ATP10B: variants seen among roughly 807,000 people sequenced by gnomAD.
ATP10B encodes phospholipid-transporting ATPase VB.
A neutral mutation model predicts 141.2 loss-of-function variants in ATP10B; 122 were observed. That is an observed-to-expected ratio of 0.86 (90% CI 0.75 to 1.00). ATP10B has a LOEUF of 1.00. Ranked by LOEUF, ATP10B falls within the 50% of genes least tolerant of loss-of-function variation. The pLI is 0.00. For missense variants in ATP10B, 1,876 were observed against 1,825.3 expected, an observed-to-expected ratio of 1.03 and a Z score of -0.51; for synonymous variants, 685 against 692.0, an observed-to-expected ratio of 0.99 and a Z score of 0.16.
At chr5:160,803,223 A>G (rs368243984) in intron 1 of ATP10B, among the ~76,000 whole-genome samples, 143 of 152,288 alleles carry the variant, frequency 9.4e-4, no homozygotes, top group Middle Eastern at 3.4e-3. Flanking sequence ...GTTGTGCTAT[A>G]TGGATTAAGA....
chr5:160,828,721 G>T (rs1485602806), intron 1 of ATP10B, among the ~76,000 whole-genome samples: 1 of 151,850 alleles, frequency 6.6e-6, no homozygotes, highest in African/African-American at 2.4e-5. Context: ...GTACCCAAAG[G>T]ACTATAAATC....
intron 3 of ATP10B, among the ~76,000 whole-genome samples, chr5:160,694,807 TG>T (rs1561763063): frequency 6.6e-6 from 1 of 152,208 alleles, no homozygotes; most frequent in Non-Finnish European, 1.5e-5. Context: ...TTACATTAGG[TG>T]TCTGGGAGAT....
intron 1 of ATP10B, among the ~76,000 whole-genome samples, chr5:160,818,306 CA>C (rs1399966886): frequency 9.9e-5 from 15 of 151,866 alleles, no homozygotes; most frequent in Admixed American, 3.3e-4. Flanking sequence ...TTTACAAGAA[CA>C]AAACAAACAA....
chr5:160,893,787 A>G, the ATP10B span, among the ~76,000 whole-genome samples: 3 of 152,192 alleles, frequency 2.0e-5, no homozygotes, highest in Admixed American at 1.3e-4. Flanking sequence ...CACCTCATGC[A>G]GGAGAGCTCT....
chr5:160,593,782 G>T (rs142557223), intron 22 of ATP10B, among the ~76,000 whole-genome samples: 3,443 of 152,198 alleles, frequency 0.023, 119 homozygotes, highest in African/African-American at 0.076. Context: ...CTCAGGAGCC[G>T]ATGTGATCAA....
chr5:160,804,025 A>T (rs1351042625), intron 1 of ATP10B, among the ~76,000 whole-genome samples: 1 of 152,016 alleles, frequency 6.6e-6, no homozygotes, highest in Non-Finnish European at 1.5e-5. Flanking sequence ...CTGTGCCCTG[A>T]TGTCCTCCTG....
chr5:160,724,694 A>T (rs1015004044), intron 2 of ATP10B, among the ~76,000 whole-genome samples: 1 of 152,122 alleles, frequency 6.6e-6, no homozygotes, highest in Non-Finnish European at 1.5e-5. Context: ...TAGGGCACAC[A>T]GGTCATGTGC....
chr5:160,803,942 G>A (rs1299157949), intron 1 of ATP10B, among the ~76,000 whole-genome samples: 1 of 150,868 alleles, frequency 6.6e-6, no homozygotes, highest in Non-Finnish European at 1.5e-5. Context: ...TTTTTTCAAC[G>A]TTGCCCCTGT....
intron 1 of ATP10B, among the ~76,000 whole-genome samples, chr5:160,816,102 A>G (rs2127954344): frequency 6.6e-6 from 1 of 151,590 alleles, no homozygotes; most frequent in Non-Finnish European, 1.5e-5. Context: ...AATTAAAAGA[A>G]CTAGAGAAGC....
intron 6 of ATP10B, among the ~76,000 whole-genome samples, chr5:160,674,566 T>TAATC (rs1467156141): frequency 6.6e-6 from 1 of 152,234 alleles, no homozygotes; most frequent in Non-Finnish European, 1.5e-5. Flanking sequence ...TCTTTAGACA[T>TAATC]AATCCTCTCT....
chr5:160,574,419 G>T (rs983056204), intron 24 of ATP10B, among the ~76,000 whole-genome samples: 1 of 152,176 alleles, frequency 6.6e-6, no homozygotes, highest in African/African-American at 2.4e-5. Context: ...GGTGACAAGA[G>T]TGAGATTCTA....
intron 7 of ATP10B, among the ~76,000 whole-genome samples, chr5:160,660,761 T>C (rs1016576716): frequency 6.6e-6 from 1 of 152,234 alleles, no homozygotes; most frequent in African/African-American, 2.4e-5. Context: ...AACATTGACA[T>C]GCACATGCAC....
intron 2 of ATP10B, among the ~76,000 whole-genome samples, chr5:160,725,509 G>C (rs1447707058): frequency 1.3e-5 from 2 of 151,554 alleles, no homozygotes; most frequent in Non-Finnish European, 2.9e-5. Flanking sequence ...GCAGTGGTGC[G>C]ATCTCGGCTC....
At chr5:160,634,743 C>G (rs1759229834) in intron 11 of ATP10B, 137 bp from the exon 12 acceptor site, 1 of 899,774 alleles carries the variant, frequency 1.1e-6, no homozygotes, top group Admixed American at 2.9e-5. Flanking sequence ...AATTAACGGT[C>G]AATGACCTCA....
At position 160,719,123 on chromosome 5, in the gene ATP10B, G is replaced by A. The variant is rs183684493; in HGVS notation, c.-330-2089C>T. 5.5e-3 allele frequency among the ~76,000 whole-genome samples: 840 copies of A among 152,282 alleles called. 11 individuals carry two copies. Among genetic ancestry groups the A allele is most frequent in the African/African-American group, 0.02 (812 of 41,566 alleles). On this transcript the variant is annotated intron_variant, in intron 2 of 25. Coordinates refer to ENST00000327245, the MANE Select transcript of ATP10B (RefSeq NM_025153.3). ...TTTACCATTAAAAGTAATGGCGGCC[G>A]GGCACGGTGGCTCACGCCTGTAATC...
At chr5:160,658,465 G>C (rs1761659533) in intron 7 of ATP10B, among the ~76,000 whole-genome samples, 1 of 152,196 alleles carries the variant, frequency 6.6e-6, no homozygotes, top group African/African-American at 2.4e-5. Context: ...TTTCTGATGA[G>C]TCATAGATAT....
intron 7 of ATP10B, among the ~76,000 whole-genome samples, chr5:160,649,625 G>A (rs1237665191): frequency 6.6e-6 from 1 of 152,078 alleles, no homozygotes; most frequent in African/African-American, 2.4e-5. Flanking sequence ...TTTGAAGTGT[G>A]GTAGTTTGAC....
chr5:160,874,235 C>A, the ATP10B span, among the ~76,000 whole-genome samples: 2 of 146,198 alleles, frequency 1.4e-5, no homozygotes, highest in Non-Finnish European at 3.0e-5. Flanking sequence ...CCCCTGACCC[C>A]TGAGCAGGCT....
At chr5:160,889,586 G>T in the ATP10B span, among the ~76,000 whole-genome samples, 2,317 of 152,274 alleles carry the variant, frequency 0.015, 56 homozygotes, top group African/African-American at 0.053. Flanking sequence ...CCTAGTGCAC[G>T]CTGTGCACTG....
Sources: gnomAD v4.1 joint callset for allele counts (sites outside exome capture counted in the v4.1 genomes callset) on GRCh38, gnomAD v4.1.1 for gene constraint, MANE v1.5 for transcripts, NCBI Gene and HGNC (gene_info 2026-07-23, HGNC 2026-07-21) for gene names.